Variants in AMPD3 observed in about 807,000 individuals in gnomAD.
AMPD3 encodes AMP deaminase 3.
A neutral mutation model predicts 82.3 loss-of-function variants in AMPD3; 57 were observed. That is an observed-to-expected ratio of 0.69 (90% CI 0.56 to 0.86). The LOEUF is 0.86. AMPD3 is among the 40% of genes least tolerant of loss of function. AMPD3 has a pLI of 0.00. For missense variants in AMPD3, 870 were observed against 1,003.8 expected (o/e 0.87, Z 1.80); for synonymous variants, 381 against 394.7 (o/e 0.97, Z 0.41).
intron 14 of AMPD3, 86 bp from the exon 15 acceptor site, chr11:10,505,622 C>T (rs1182347430): frequency 1.3e-6 from 2 of 1,567,524 alleles, no homozygotes; most frequent in African/African-American, 1.4e-5. Context: ...GTCTGACTTG[C>T]TGTGACTGAT....
At chr11:10,496,671 A>G in intron 9 of AMPD3, 141 bp from the exon 10 acceptor site, 2 of 1,489,878 alleles carry the variant, frequency 1.3e-6, no homozygotes, top group Non-Finnish European at 1.8e-6. Flanking sequence ...CAGAGGAGGG[A>G]TCTGTTTTCT....
At position 10,501,502 on chromosome 11, in the gene AMPD3, C is replaced by T. The variant is rs748852415; in HGVS notation, c.1754C>T (p.Pro585Leu). The T allele has an allele frequency of 9.9e-6, 16 of 1,614,016 alleles. No homozygotes were observed. Among genetic ancestry groups the T allele is most frequent in the African/African-American group, 2.7e-5 (2 of 74,912 alleles). Residue 585 changes from proline (P) to leucine (L), a missense_variant, in exon 12 of 15, where the codon CCG becomes CTG. Physicochemically the swap from Pro to Leu is moderately conservative, Grantham distance 98 (BLOSUM62 -3). Coordinates refer to ENST00000396553, the MANE Select transcript of AMPD3 (RefSeq NM_001025389.2). ...GGCCTGAGCACGTTCCTGTTCCGGC[C>T]GCACTGTGGGGAAGCCGGCTCCATC... The part of the protein sequence containing the change: ...ERGLSTFLFR[P>L]HCGEAGSITH...
At chr11:10,474,773 C>G (rs1371298034) in intron 2 of AMPD3, among the ~76,000 whole-genome samples, 1 of 152,234 alleles carries the variant, frequency 6.6e-6, no homozygotes, top group Non-Finnish European at 1.5e-5. Context: ...GCCCCACACT[C>G]TGCTGGCTCC....
At chr11:10,472,161 G>C (rs1030960003) in intron 2 of AMPD3, among the ~76,000 whole-genome samples, 32 of 152,286 alleles carry the variant, frequency 2.1e-4, no homozygotes, top group African/African-American at 7.5e-4. Flanking sequence ...GATGAAGCTA[G>C]AAACCATCAT....
At position 10,456,428 on chromosome 11, in the gene AMPD3, G is replaced by A. The variant is rs1282511157; in HGVS notation, c.-6+980G>A. On this transcript the variant is annotated intron_variant, in intron 1 of 14. Coordinates refer to ENST00000396553, the MANE Select transcript of AMPD3 (RefSeq NM_001025389.2). The surrounding 1 kb of genome is among the most constrained non-coding windows in gnomAD (Gnocchi z 4.3). ...GTCTGTGTCGGGGCTTCTGCAAGGG[G>A]AGTCTGGCAAGAGTAGGAACCAGCT... 4 of 1,613,802 alleles carry A rather than the reference G, an allele frequency of 2.5e-6. No individual in the cohort carries two copies. Among genetic ancestry groups the A allele is most frequent in the Admixed American group, 1.7e-5 (1 of 60,018 alleles).
rs955529976 is a variant in AMPD3, at chr11:10,500,804, A to G, written c.1721+555A>G. Reference sequence around the variant, plus strand: ...GAGGCTCCTACCAATACGCACACAGACGAGGCACACGTGGCCAGGAGTTAG... The same window carrying G: ...GAGGCTCCTACCAATACGCACACAGGCGAGGCACACGTGGCCAGGAGTTAG... On this transcript the variant is annotated intron_variant, in intron 11 of 14. Coordinates refer to ENST00000396553, the MANE Select transcript of AMPD3 (RefSeq NM_001025389.2). 3.0e-6 allele frequency: 3 copies of G among 985,308 alleles called. No homozygotes were observed. The African/African-American group carries it at 5.2e-5, about 17-fold the overall frequency. The allele number at this position is 985,308 out of a possible 1,614,324, so 61.0% of individuals were successfully genotyped here.
At chr11:10,463,393 G>C (rs1057282450) in intron 2 of AMPD3, among the ~76,000 whole-genome samples, 11 of 152,188 alleles carry the variant, frequency 7.2e-5, no homozygotes, top group African/African-American at 2.7e-4. Flanking sequence ...CCTTGTGTTG[G>C]ATAAGGTGGG....
chr11:10,505,277 G>C, intron 14 of AMPD3: 1 of 978,384 alleles, frequency 1.0e-6, no homozygotes, highest in Non-Finnish European at 1.2e-6. Flanking sequence ...GTGCTCGTCG[G>C]ATGATGATGC....
At position 10,502,846 on chromosome 11, in the gene AMPD3, G is replaced by C; in HGVS notation, c.1968G>C (p.Leu656=). ...NPLREFLHKG[L]HVSLSTDDPM... is the part of the protein sequence containing the mutation. ...TGAGGGAATTCCTACACAAGGGACTGCATGTTTCTCTTTCCACCGATGACC... is the reference window on the plus strand; with the variant it reads ...TGAGGGAATTCCTACACAAGGGACTCCATGTTTCTCTTTCCACCGATGACC... The change falls in exon 13 of 15, where the codon CTG becomes CTC. Residue 656 remains leucine, a synonymous_variant. Coordinates refer to ENST00000396553, the MANE Select transcript of AMPD3 (RefSeq NM_001025389.2). The C allele has an allele frequency of 6.2e-7, 1 of 1,614,222 alleles. No homozygotes were observed. Among genetic ancestry groups the C allele is most frequent in the Non-Finnish European group, 8.5e-7 (1 of 1,180,030 alleles).
chr11:10,457,576 T>G (rs1848134618), intron 1 of AMPD3, among the ~76,000 whole-genome samples: 1 of 152,168 alleles, frequency 6.6e-6, no homozygotes, highest in Non-Finnish European at 1.5e-5. Context: ...TCCTGAAAAG[T>G]ATTTTTAGTT....
intron 7 of AMPD3, chr11:10,494,509 C>CA (rs11455471): frequency 0.73 from 691,471 of 953,628 alleles, 251,968 homozygotes; most frequent in East Asian, 0.91. Context: ...TTTATTAGAA[C>CA]AAAAAAAACT....
chr11:10,490,667 C>T (rs1849213976), intron 6 of AMPD3: 9 of 985,070 alleles, frequency 9.1e-6, no homozygotes, highest in Non-Finnish European at 1.1e-5. Flanking sequence ...TTGTTTTCCT[C>T]ATTTATCTTG....
At chr11:10,488,662 G>A (rs1044332468) in intron 6 of AMPD3, among the ~76,000 whole-genome samples, 1 of 152,132 alleles carries the variant, frequency 6.6e-6, no homozygotes, top group Non-Finnish European at 1.5e-5. Flanking sequence ...GTGTGGTGGC[G>A]AGCTGGGAGA....
At chr11:10,488,534 A>C in intron 6 of AMPD3, 10 of 610,010 alleles carry the variant, frequency 1.6e-5, no homozygotes, top group Non-Finnish European at 2.1e-5. Context: ...GTTGGAGCTC[A>C]GGCATTGGGA....
intron 3 of AMPD3, chr11:10,479,726 C>G (rs1848847227): frequency 5.2e-6 from 1 of 190,808 alleles, no homozygotes; most frequent in Non-Finnish European, 9.7e-6. Flanking sequence ...TTACAATATA[C>G]ATTATACTGC....
intron 11 of AMPD3, 64 bp downstream of exon 11, chr11:10,500,313 A>C: frequency 6.4e-7 from 1 of 1,564,150 alleles, no homozygotes; most frequent in Non-Finnish European, 8.8e-7. Context: ...GCATGCACAC[A>C]CATGCACACA....
intron 6 of AMPD3, among the ~76,000 whole-genome samples, chr11:10,489,440 C>G (rs1849176590): frequency 6.6e-6 from 1 of 152,176 alleles, no homozygotes; most frequent in Non-Finnish European, 1.5e-5. Flanking sequence ...TACCAGCTGC[C>G]CTCTGGCCAC....
rs1170392528 is a variant in AMPD3 at position 10,490,665 on chromosome 11, C to T, written c.940-2684C>T. ...CTTCCTGGATTGTCCAGTTGTTTTC[C>T]TCATTTATCTTGTGACTCATGGGGG... On this transcript the variant is annotated intron_variant, in intron 6 of 14. Transcript: ENST00000396553. 10 of 985,056 alleles carry T rather than the reference C, an allele frequency of 1.0e-5. No homozygotes were observed. In the East Asian group the frequency reaches 1.1e-3, roughly 112 times the overall value. The allele number at this position is 985,056 out of a possible 1,614,324, so 61.0% of individuals were successfully genotyped here.
At position 10,457,143 on chromosome 11, in the gene AMPD3, G is replaced by GT. The variant is rs539853751; in HGVS notation, c.-6+1704dup. 1.2e-3 allele frequency among the ~76,000 whole-genome samples: 177 copies of GT among 149,646 alleles called. 1 individual carries two copies. Among genetic ancestry groups the GT allele is most frequent in the South Asian group, 9.3e-3 (44 of 4,714 alleles). On this transcript the variant is annotated intron_variant, in intron 1 of 14. Coordinates refer to ENST00000396553, the MANE Select transcript of AMPD3 (RefSeq NM_001025389.2). Reference sequence around the variant, plus strand: ...CAGGTGCATGCCACCACACCTGGCTGTTTTTTTTTCTATTTTTTGTAGAGA... The same window carrying GT: ...CAGGTGCATGCCACCACACCTGGCTGTTTTTTTTTTCTATTTTTTGTAGAGA...
Sources: allele counts gnomAD v4.1 joint callset (sites outside exome capture counted in the v4.1 genomes callset), GRCh38; gene constraint gnomAD v4.1.1; non-coding constraint Gnocchi (gnomAD v3.1); transcripts MANE v1.5; gene names NCBI Gene and HGNC (gene_info 2026-07-23, HGNC 2026-07-21).